ZNF511: variants seen among roughly 807,000 people sequenced by gnomAD.
ZNF511 encodes the protein zinc finger protein 511.
In ZNF511, 26 loss-of-function variants were observed where a neutral mutation model predicts 24.8. The ratio of observed to expected loss-of-function variants is 1.05; its 90% CI spans 0.77 to 1.46. The LOEUF is 1.46. ZNF511 is among the 40% of genes most tolerant of loss of function. The pLI is 0.00. For missense variants in ZNF511, 358 were observed against 345.0 expected (o/e 1.04, Z -0.30); for synonymous variants, 144 against 139.6 (o/e 1.03, Z -0.22).
intron 5 of ZNF511, 121 bp from the exon 6 acceptor site, chr10:133,312,667 G>A (rs1848018037): frequency 3.8e-6 from 6 of 1,564,940 alleles, no homozygotes; most frequent in Non-Finnish European, 4.3e-6. Flanking sequence ...AGGAGGGCCG[G>A]CTCTGCATTC....
intron 4 of ZNF511, chr10:133,310,669 C>G: frequency 7.8e-6 from 2 of 255,322 alleles, no homozygotes; most frequent in Admixed American, 1.0e-4. Flanking sequence ...CTGCAGCCGT[C>G]GGCCGTGCTC....
chr10:133,312,210 T>C (rs575109644), intron 5 of ZNF511: 3 of 1,392,220 alleles, frequency 2.2e-6, no homozygotes, highest in East Asian at 3.1e-5. Context: ...CGTCTGCGTT[T>C]CTAGCGTCAC....
chr10:133,309,426 G>C lies in ZNF511; in HGVS notation c.190G>C (p.Val64Leu), dbSNP rs564371659. Residue 64 changes from valine to leucine, a missense_variant, in exon 2 of 6, where the codon GTG becomes CTG. Physicochemically the swap from Val to Leu is conservative, Grantham distance 32. Coordinates refer to ENST00000361518, the MANE Select transcript of ZNF511 (RefSeq NM_145806.4). ...GCAGCGCCACCTCTACCTCCAGGAC[G>C]TGATCATGCAGGTGGCCGACGTGCC... ...DVQRHLYLQD[V>L]IMQVADVPEK... 3.1e-6 allele frequency: 5 copies of C among 1,612,590 alleles called. No individual in the cohort carries two copies. In the African/African-American group the frequency reaches 6.7e-5, roughly 21 times the overall value.
intron 4 of ZNF511, 134 bp from the exon 5 acceptor site, chr10:133,311,582 C>A: frequency 1.3e-6 from 1 of 749,428 alleles, no homozygotes; most frequent in Non-Finnish European, 2.2e-6. Flanking sequence ...ACTATAAAAT[C>A]AGACTATGCC....
At chr10:133,310,058 C>T (rs1360185293) in intron 3 of ZNF511, 81 bp downstream of exon 3, 29 of 1,608,430 alleles carry the variant, frequency 1.8e-5, no homozygotes, top group East Asian at 8.9e-5. Flanking sequence ...CTCGGGTGCT[C>T]GGGCAAGGCC....
chr10:133,309,582 G>A (rs939068245), intron 2 of ZNF511, 119 bp downstream of exon 2: 3 of 1,317,542 alleles, frequency 2.3e-6, no homozygotes, highest in Admixed American at 2.0e-5. Context: ...GAGGCGCTGT[G>A]CCTGTCCAGC....
chr10:133,312,455 C>T, intron 5 of ZNF511: 1 of 1,219,906 alleles, frequency 8.2e-7, no homozygotes. Flanking sequence ...GGACTTTGGC[C>T]TGTGAATGAG....
At chr10:133,310,417 G>A (rs1166837110) in intron 4 of ZNF511, 129 bp downstream of exon 4, 14 of 1,194,678 alleles carry the variant, frequency 1.2e-5, no homozygotes, top group East Asian at 2.5e-5. Context: ...TTCACCTGCA[G>A]GTACCTGAAG....
chr10:133,312,443 C>T, intron 5 of ZNF511: 2 of 1,210,752 alleles, frequency 1.7e-6, no homozygotes, highest in Non-Finnish European at 1.0e-6. Flanking sequence ...TTACAGATGC[C>T]TGGACTTTGG....
chr10:133,311,873 C>T lies in ZNF511; in HGVS notation c.680+32C>T, dbSNP rs374152367. 7 of 1,613,198 alleles carry T rather than the reference C, an allele frequency of 4.3e-6. No homozygotes were observed. The African/African-American group carries it at 6.7e-5, about 15-fold the overall frequency. On this transcript the variant is annotated intron_variant, in intron 5 of 5. Transcript: ENST00000361518. Reference sequence around the variant, plus strand: ...GTCTGAGCTCTTTCTGAAACCCGTTCTCAACATGTGTTCGGTGCTGAGGAT... The same window carrying T: ...GTCTGAGCTCTTTCTGAAACCCGTTTTCAACATGTGTTCGGTGCTGAGGAT...
rs147748342 is a variant in ZNF511, at chr10:133,312,069, A to G, written c.680+228A>G. 1,003 of 1,466,314 alleles carry G rather than the reference A, an allele frequency of 6.8e-4. 6 individuals carry two copies. In the African/African-American group the frequency reaches 0.012, roughly 18 times the overall value. 90.8% of individuals were successfully genotyped at this position (1,466,314 alleles called of 1,614,324 possible). A position where few individuals can be genotyped will look rare whatever the true frequency, so the allele number is the denominator to read the frequency against. ...GAGCCATTGAAGCGCAGGAATGCCA[A>G]GCACCACTCACTTTTCCTCATTGTC... On this transcript the variant is annotated intron_variant, in intron 5 of 5. Coordinates refer to ENST00000361518, the MANE Select transcript of ZNF511 (RefSeq NM_145806.4).
intron 1 of ZNF511, 75 bp from the exon 2 acceptor site, chr10:133,309,315 G>C: frequency 6.5e-7 from 1 of 1,531,364 alleles, no homozygotes; most frequent in South Asian, 1.2e-5. Context: ...CTGGGGCCAC[G>C]GGTGTGGGCG....
At chr10:133,310,812 T>C (rs1847974518) in intron 4 of ZNF511, among the ~76,000 whole-genome samples, 2 of 152,162 alleles carry the variant, frequency 1.3e-5, no homozygotes, top group Non-Finnish European at 1.5e-5. Flanking sequence ...CAATCTTTTT[T>C]TTTTTTTGAG....
intron 4 of ZNF511, among the ~76,000 whole-genome samples, chr10:133,310,800 A>T (rs1847974295): frequency 6.6e-6 from 1 of 151,886 alleles, no homozygotes; most frequent in African/African-American, 2.4e-5. Flanking sequence ...TACTTCCAGG[A>T]ACAATCTTTT....
intron 5 of ZNF511, chr10:133,312,432 C>T (rs765526035): frequency 1.7e-5 from 20 of 1,199,928 alleles, no homozygotes; most frequent in Non-Finnish European, 2.1e-5. Context: ...CTGCACCCTC[C>T]TTACAGATGC....
chr10:133,310,045 G>C, intron 3 of ZNF511, 68 bp downstream of exon 3: 2 of 1,609,090 alleles, frequency 1.2e-6, no homozygotes. Context: ...GCTGCCCCCA[G>C]CTCTCGGGTG....
chr10:133,313,008 T>G lies in ZNF511; in HGVS notation c.*142T>G, dbSNP rs995913738. 7.4e-6 allele frequency: 11 copies of G among 1,489,842 alleles called. No individual in the cohort carries two copies. Among genetic ancestry groups the G allele is most frequent in the Non-Finnish European group, 9.8e-6 (11 of 1,125,070 alleles). The allele number at this position is 1,489,842 out of a possible 1,614,324, so 92.3% of individuals were successfully genotyped here. A position where few individuals can be genotyped will look rare whatever the true frequency, so the allele number is the denominator to read the frequency against. ...CATCCTTGTTCCTCAGCAAATGGCA[T>G]TAGCAGCTGTCATCAGAAGCTGTGA... On this transcript the variant is annotated 3_prime_UTR_variant, in exon 6 of 6. Coordinates refer to ENST00000361518, the MANE Select transcript of ZNF511 (RefSeq NM_145806.4).
chr10:133,311,462 T>C (rs1380672209), intron 4 of ZNF511, among the ~76,000 whole-genome samples: 2 of 152,152 alleles, frequency 1.3e-5, no homozygotes, highest in Non-Finnish European at 2.9e-5. Flanking sequence ...AAAAATACTA[T>C]TTTCAAAAAA....
intron 5 of ZNF511, 175 bp from the exon 6 acceptor site, chr10:133,312,613 G>T (rs1445009437): frequency 6.7e-7 from 1 of 1,493,684 alleles, no homozygotes; most frequent in Non-Finnish European, 8.9e-7. Context: ...ACCCCCCACA[G>T]GAACTAGGTC....
Sources: allele counts gnomAD v4.1 joint callset (sites outside exome capture counted in the v4.1 genomes callset), GRCh38; gene constraint gnomAD v4.1.1; transcripts MANE v1.5; gene names NCBI Gene and HGNC (gene_info 2026-07-23, HGNC 2026-07-21).